Variants in SCARA3 observed in about 807,000 individuals in gnomAD.
The protein encoded by SCARA3 is cellular stress response gene protein.
In SCARA3, 39 loss-of-function variants were observed where a neutral mutation model predicts 47.0. The ratio of observed to expected loss-of-function variants is 0.83; its 90% CI spans 0.64 to 1.08. SCARA3 has a LOEUF of 1.08. Ranked by LOEUF, SCARA3 falls within the 50% of genes least tolerant of loss-of-function variation. The probability of loss-of-function intolerance (pLI) is 0.00; values close to 1 mark genes in which losing one functional copy is unlikely to be tolerated. For synonymous variants in SCARA3, 356 were observed against 334.1 expected (o/e 1.07, Z -0.71); for missense variants, 724 against 792.3 (o/e 0.91, Z 1.04).
downstream of SCARA3, among the ~76,000 whole-genome samples, chr8:27,674,010 T>C (rs1043914629): frequency 6.6e-6 from 1 of 152,126 alleles, no homozygotes; most frequent in Admixed American, 6.5e-5. Context: ...TAGTGGTAGA[T>C]CCAGTTCTCA....
chr8:27,649,205 G>C (rs975043910), intron 1 of SCARA3, among the ~76,000 whole-genome samples: 6 of 152,160 alleles, frequency 3.9e-5, no homozygotes, highest in Non-Finnish European at 7.4e-5. Flanking sequence ...GTGAAGCAGG[G>C]ATCTGCGCCC....
intron 1 of SCARA3, among the ~76,000 whole-genome samples, chr8:27,644,094 C>T (rs1384739239): frequency 6.6e-6 from 1 of 152,122 alleles, no homozygotes; most frequent in Non-Finnish European, 1.5e-5. Context: ...AAAGGAATTT[C>T]TCCTCTTGTG....
the SCARA3 span, among the ~76,000 whole-genome samples, chr8:27,704,240 G>A: frequency 1.3e-5 from 2 of 152,006 alleles, no homozygotes; most frequent in East Asian, 1.9e-4. Context: ...GAGCCCAGGA[G>A]TTTGAGACCA....
downstream of SCARA3, among the ~76,000 whole-genome samples, chr8:27,674,239 A>T (rs527456568): frequency 6.6e-6 from 1 of 152,330 alleles, no homozygotes; most frequent in South Asian, 2.1e-4. Flanking sequence ...CAAAGCTTGA[A>T]GCAAATGCTG....
the SCARA3 span, among the ~76,000 whole-genome samples, chr8:27,718,089 C>T: frequency 6.6e-6 from 1 of 152,220 alleles, no homozygotes; most frequent in South Asian, 2.1e-4. Flanking sequence ...ATCCTGTGGC[C>T]TCTGTTCTCT....
intron 3 of SCARA3, among the ~76,000 whole-genome samples, chr8:27,651,954 C>T (rs1801642716): frequency 6.6e-6 from 1 of 152,144 alleles, no homozygotes; most frequent in Non-Finnish European, 1.5e-5. Flanking sequence ...ATGTCTAGGC[C>T]CCACCCCGAT....
intron 5 of SCARA3, among the ~76,000 whole-genome samples, chr8:27,663,313 T>C (rs1345421747): frequency 2.6e-5 from 4 of 152,230 alleles, no homozygotes; most frequent in African/African-American, 9.6e-5. Context: ...AAACCAGGAC[T>C]GAATCTTCTC....
chr8:27,668,185 G>T (rs1452799697), intron 5 of SCARA3, among the ~76,000 whole-genome samples: 1 of 152,224 alleles, frequency 6.6e-6, no homozygotes, highest in Non-Finnish European at 1.5e-5. Flanking sequence ...AGAGGAGCTG[G>T]AAGGGGCTGG....
At chr8:27,701,108 T>C in the SCARA3 span, 1 of 150,708 alleles carries the variant, frequency 6.6e-6, no homozygotes, top group South Asian at 2.1e-4. Context: ...ACAAAAAAAC[T>C]AGTGATATGC....
chr8:27,719,226 G>T, the SCARA3 span, among the ~76,000 whole-genome samples: 1 of 152,180 alleles, frequency 6.6e-6, no homozygotes, highest in African/African-American at 2.4e-5. Flanking sequence ...GATGTCCTTT[G>T]CAGGGACATG....
chr8:27,717,722 T>A, the SCARA3 span, among the ~76,000 whole-genome samples: 5 of 151,732 alleles, frequency 3.3e-5, no homozygotes, highest in African/African-American at 1.2e-4. Context: ...GAGACAGAGG[T>A]TACAGAGATA....
intron 3 of SCARA3, among the ~76,000 whole-genome samples, chr8:27,655,879 G>A (rs552536): frequency 0.3 from 44,908 of 152,068 alleles, 7,487 homozygotes; most frequent in South Asian, 0.47. Context: ...TGATAAAGCA[G>A]CATCAAAGAA....
At chr8:27,727,139 T>C in the SCARA3 span, among the ~76,000 whole-genome samples, 1 of 152,182 alleles carries the variant, frequency 6.6e-6, no homozygotes, top group Non-Finnish European at 1.5e-5. Context: ...CTCGAACTCC[T>C]GGGCTCAAAT....
downstream of SCARA3, among the ~76,000 whole-genome samples, chr8:27,676,114 A>G (rs918873724): frequency 6.6e-6 from 1 of 152,206 alleles, no homozygotes; most frequent in Non-Finnish European, 1.5e-5. Flanking sequence ...GGCCACATAG[A>G]TGTTAAGTGG....
At chr8:27,729,708 G>A in the SCARA3 span, among the ~76,000 whole-genome samples, 3 of 152,220 alleles carry the variant, frequency 2.0e-5, no homozygotes, top group East Asian at 1.9e-4. Flanking sequence ...GGAGAATCGC[G>A]TGAACCCGGG....
At chr8:27,655,800 T>C (rs1369617055) in intron 3 of SCARA3, among the ~76,000 whole-genome samples, 5 of 152,184 alleles carry the variant, frequency 3.3e-5, no homozygotes, top group African/African-American at 4.8e-5. Context: ...TAGAGTGCCA[T>C]GCAGATACCA....
At position 27,671,648 on chromosome 8, in the gene SCARA3, A is replaced by C; in HGVS notation, c.*297A>C. 1 of 1,094,720 alleles carries C rather than the reference A, an allele frequency of 9.1e-7. No individual in the cohort carries two copies. The highest frequency in any genetic ancestry group is 1.1e-6 in the Non-Finnish European group (1 of 899,948). The allele number at this position is 1,094,720 out of a possible 1,614,324, so 67.8% of individuals were successfully genotyped here. A position where few individuals can be genotyped will look rare whatever the true frequency, so the allele number is the denominator to read the frequency against. ...TACACAGGCATACATGCATGCACAC[A>C]CACATGCACGCACACACACATGCAC... is the stretch of plus-strand genomic sequence containing the variant. On this transcript the variant is annotated 3_prime_UTR_variant, in exon 6 of 6. Transcript: ENST00000301904.
At chr8:27,673,293 T>C (rs1388829614), downstream of SCARA3, among the ~76,000 whole-genome samples, 2 of 152,174 alleles carry the variant, frequency 1.3e-5, no homozygotes, top group South Asian at 2.1e-4. Flanking sequence ...TAAAACAAGA[T>C]TGGAAAACAG....
chr8:27,724,240 C>T, the SCARA3 span, among the ~76,000 whole-genome samples: 197 of 152,238 alleles, frequency 1.3e-3, 3 homozygotes, highest in East Asian at 0.026. Flanking sequence ...GGCAGGGTTG[C>T]TAGACTGGTA....
Sources: allele counts gnomAD v4.1 joint callset (sites outside exome capture counted in the v4.1 genomes callset), GRCh38; gene constraint gnomAD v4.1.1; transcripts MANE v1.5; gene names NCBI Gene and HGNC (gene_info 2026-07-23, HGNC 2026-07-21).